SAMM50: variants seen among roughly 807,000 people sequenced by gnomAD.
SAMM50 encodes sorting and assembly machinery component 50 homolog.
In SAMM50, 47 loss-of-function variants were observed where a neutral mutation model predicts 66.9. That is an observed-to-expected ratio of 0.70 (90% CI 0.56 to 0.90). The LOEUF is 0.90. SAMM50 is among the 40% of genes least tolerant of loss of function. SAMM50 has a pLI of 0.00. For missense variants in SAMM50, 535 were observed against 595.3 expected (o/e 0.90, Z 1.05); for synonymous variants, 191 against 214.1 (o/e 0.89, Z 0.94).
chr22:43,979,033 C>G (rs1603419593), intron 10 of SAMM50, among the ~76,000 whole-genome samples: 1 of 152,228 alleles, frequency 6.6e-6, no homozygotes, highest in African/African-American at 2.4e-5. Flanking sequence ...CTGATCCCTT[C>G]TGCAGCACTG....
Position 43,994,475 on chromosome 22 carries a change from T to G in SAMM50, c.1365-1863T>G, listed in dbSNP as rs575469337. On this transcript the variant is annotated intron_variant, in intron 14 of 14. Coordinates refer to ENST00000350028, the MANE Select transcript of SAMM50 (RefSeq NM_015380.5). ...TCCTGGCGTGTGGTGGGAGGTGGGG[T>G]GCAAGGCGCCAAGGGTGCTGTTGGC... Among the ~76,000 whole-genome samples, 13 of 151,972 alleles carry G rather than the reference T, an allele frequency of 8.6e-5. No homozygotes were observed. The East Asian group carries it at 1.4e-3, about 16-fold the overall frequency.
intron 3 of SAMM50, among the ~76,000 whole-genome samples, chr22:43,967,026 G>C (rs2050177134): frequency 6.6e-6 from 1 of 152,006 alleles, no homozygotes; most frequent in Admixed American, 6.5e-5. Flanking sequence ...CTCTTCCCTG[G>C]GCTTTGGTGA....
At chr22:43,984,055 A>G (rs2050278789) in intron 12 of SAMM50, 55 bp downstream of exon 12, 1 of 1,488,942 alleles carries the variant, frequency 6.7e-7, no homozygotes, top group Non-Finnish European at 9.2e-7. Context: ...CTCACTTTGG[A>G]AACCATGTAC....
Position 43,977,954 on chromosome 22 carries a change from A to G in SAMM50, c.932A>G (p.Asp311Gly). 1 of 1,606,846 alleles carries G rather than the reference A, an allele frequency of 6.2e-7. No homozygotes were observed. Among genetic ancestry groups the G allele is most frequent in the East Asian group, 2.2e-5 (1 of 44,824 alleles). The change falls in exon 10 of 15, where the codon GAT becomes GGT. Residue 311 changes from aspartate to glycine, a missense_variant. Coordinates refer to ENST00000350028, the MANE Select transcript of SAMM50 (RefSeq NM_015380.5). ...CAGTTGAACAAGCAACTCATATTTG[A>G]TTCAGTGAGTATCTAACGGATGCTG... ...ELQLNKQLIF[D>G]SVFSASFWGG...
intron 10 of SAMM50, among the ~76,000 whole-genome samples, chr22:43,979,450 C>T (rs2050251121): frequency 6.6e-6 from 1 of 152,344 alleles, no homozygotes; most frequent in Non-Finnish European, 1.5e-5. Flanking sequence ...TCCCTGGCTG[C>T]TCTCAGTCCT....
chr22:43,957,001 C>G (rs1253602115), intron 1 of SAMM50: 3 of 714,178 alleles, frequency 4.2e-6, no homozygotes, highest in Non-Finnish European at 7.5e-6. Context: ...GGCGGCCTGC[C>G]GGGAGCAGGA....
intron 14 of SAMM50, among the ~76,000 whole-genome samples, chr22:43,991,904 A>C (rs2050326793): frequency 6.6e-6 from 1 of 151,768 alleles, no homozygotes; most frequent in South Asian, 2.1e-4. Flanking sequence ...GCACCTCAGC[A>C]CCTCCCAAAG....
chr22:43,973,202 T>G (rs761152620), intron 6 of SAMM50, 34 bp from the exon 7 acceptor site: 1 of 1,423,560 alleles, frequency 7.0e-7, no homozygotes, highest in Non-Finnish European at 9.9e-7. Flanking sequence ...AATCACTGTT[T>G]CAGCTTTTAA....
At chr22:43,961,588 T>G (rs2050147382) in intron 1 of SAMM50, among the ~76,000 whole-genome samples, 1 of 152,170 alleles carries the variant, frequency 6.6e-6, no homozygotes, top group Non-Finnish European at 1.5e-5. Flanking sequence ...TAGTTGGGAC[T>G]ACAGGCACAC....
intron 9 of SAMM50, 130 bp downstream of exon 9, chr22:43,976,951 C>A: frequency 1.7e-6 from 1 of 596,366 alleles, no homozygotes; most frequent in Non-Finnish European, 3.0e-6. Context: ...TGCAGTATCG[C>A]TTTTGAAGGT....
At chr22:43,956,752 T>C (rs2050121546) in intron 1 of SAMM50, among the ~76,000 whole-genome samples, 1 of 152,220 alleles carries the variant, frequency 6.6e-6, no homozygotes, top group Non-Finnish European at 1.5e-5. Context: ...AAACTTCTCA[T>C]GCTGATTCCG....
rs58022542 is a variant in SAMM50 at position 43,962,881 on chromosome 22, A to ATTTTTTTTTTTTTT, written c.22-385_22-372dup. On this transcript the variant is annotated intron_variant, in intron 1 of 14. Transcript: ENST00000350028. ...GATTTGTGCGTGACCCTTTTGGTTA[A>ATTTTTTTTTTTTTT]TTTTTTTTTTTTTTTTTTTTTTTTT... 4.3e-4 allele frequency among the ~76,000 whole-genome samples: 28 copies of ATTTTTTTTTTTTTT among 65,514 alleles called. 3 individuals are homozygous for ATTTTTTTTTTTTTT. The highest frequency in any genetic ancestry group is 1.8e-3 in the Admixed American group (9 of 5,074). The allele number at this position is 65,514 out of a possible 152,430, so 43.0% of individuals were successfully genotyped here.
intron 14 of SAMM50, among the ~76,000 whole-genome samples, chr22:43,995,657 A>G (rs1169591535): frequency 2.0e-5 from 3 of 152,086 alleles, no homozygotes; most frequent in Non-Finnish European, 4.4e-5. Flanking sequence ...GGTGCCCCTG[A>G]GCCGGGTCTG....
chr22:43,967,747 A>C (rs967737051), intron 3 of SAMM50, among the ~76,000 whole-genome samples: 1 of 152,066 alleles, frequency 6.6e-6, no homozygotes, highest in Non-Finnish European at 1.5e-5. Context: ...TTTCACCTGC[A>C]GGGTGGAATC....
intron 12 of SAMM50, 161 bp from the exon 13 acceptor site, chr22:43,988,950 G>T (rs1906941128): frequency 3.5e-6 from 2 of 567,860 alleles, no homozygotes; most frequent in Admixed American, 3.0e-5. Flanking sequence ...TTTAAAATGA[G>T]GCCATCAGTA....
rs2050113570 is a variant in SAMM50 at position 43,955,469 on chromosome 22, A to T, written c.-109A>T. 1.6e-6 allele frequency: 2 copies of T among 1,281,536 alleles called. No individual in the cohort carries two copies. The highest frequency in any genetic ancestry group is 1.5e-5 in the African/African-American group (1 of 68,076). 79.4% of individuals were successfully genotyped at this position (1,281,536 alleles called of 1,614,324 possible). The stretch of plus-strand genomic sequence containing the variant: ...TGTTCCGCGTCCGGGGGTTTGTGGG[A>T]GTTGCCTTGACCTGCAGCTCCGCCA... On this transcript the variant is annotated 5_prime_UTR_variant, in exon 1 of 15. Coordinates refer to ENST00000350028, the MANE Select transcript of SAMM50 (RefSeq NM_015380.5).
intron 14 of SAMM50, among the ~76,000 whole-genome samples, chr22:43,993,202 T>C (rs1005053956): frequency 6.6e-6 from 1 of 152,084 alleles, no homozygotes; most frequent in Non-Finnish European, 1.5e-5. Context: ...TGGAGGGGCG[T>C]TGGAGCGAGG....
chr22:43,979,895 T>C (rs958449541), intron 10 of SAMM50, among the ~76,000 whole-genome samples: 7 of 151,378 alleles, frequency 4.6e-5, no homozygotes, highest in African/African-American at 1.7e-4. Context: ...ACTCCCTTTT[T>C]TTCAGTTGTT....
At chr22:43,973,705 G>T (rs1253907553) in intron 7 of SAMM50, among the ~76,000 whole-genome samples, 1 of 152,098 alleles carries the variant, frequency 6.6e-6, no homozygotes, top group African/African-American at 2.4e-5. Context: ...GCACGATCTC[G>T]GCTCACTGCA....
Sources: gnomAD v4.1 joint callset for allele counts (sites outside exome capture counted in the v4.1 genomes callset) on GRCh38, gnomAD v4.1.1 for gene constraint, MANE v1.5 for transcripts, NCBI Gene and HGNC (gene_info 2026-07-23, HGNC 2026-07-21) for gene names.